Variants in MRTO4 observed in about 807,000 individuals in gnomAD.
MRTO4 encodes the protein mRNA turnover protein 4 homolog.
Under a neutral mutation model 28.6 loss-of-function variants are expected in MRTO4, and 7 were observed. The observed-to-expected ratio is 0.24, with a 90% confidence interval of 0.14 to 0.46. MRTO4 has a LOEUF of 0.46. Ranked by LOEUF, MRTO4 falls within the 20% of genes least tolerant of loss-of-function variation. The pLI is 0.99. For missense variants in MRTO4, 302 were observed against 298.3 expected (o/e 1.01, Z -0.09); for synonymous variants, 113 against 108.2 (o/e 1.04, Z -0.27).
rs2093673769 is a variant in MRTO4 at position 19,257,816 on chromosome 1, C to G, written c.342-17C>G. On this transcript the variant is annotated splice_polypyrimidine_tract_variant and intron_variant, in intron 5 of 7. Transcript: ENST00000330263. Reference sequence around the variant, plus strand: ...TGGCCAGGAGCATCTCCTCCTACCACTTCTCTTTTCCCTTAGGTGGTTCAC... The same window carrying G: ...TGGCCAGGAGCATCTCCTCCTACCAGTTCTCTTTTCCCTTAGGTGGTTCAC... 3.1e-6 allele frequency: 5 copies of G among 1,611,494 alleles called. No homozygotes were observed. Among genetic ancestry groups the G allele is most frequent in the East Asian group, 4.5e-5 (2 of 44,880 alleles).
chr1:19,253,045 T>C (rs1427946298), intron 1 of MRTO4, among the ~76,000 whole-genome samples: 2 of 152,188 alleles, frequency 1.3e-5, no homozygotes, highest in Non-Finnish European at 2.9e-5. Flanking sequence ...TGGCACTTTC[T>C]AGGCGTTAGA....
At position 19,257,893 on chromosome 1, in the gene MRTO4, T is replaced by C; in HGVS notation, c.402T>C (p.Thr134=). The C allele has an allele frequency of 6.2e-7, 1 of 1,614,148 alleles. No homozygotes were observed. Among genetic ancestry groups the C allele is most frequent in the East Asian group, 2.2e-5 (1 of 44,866 alleles). Residue 134 remains threonine (T), a synonymous_variant, in exon 6 of 8, where the codon ACT becomes ACC. Transcript: ENST00000330263. ...GAGCTGGTAACAAAGCAGCTTTCACTGTGAGCCTGGATCCAGGGCCCCTGG... is the reference window on the plus strand; with the variant it reads ...GAGCTGGTAACAAAGCAGCTTTCACCGTGAGCCTGGATCCAGGGCCCCTGG... ...YARAGNKAAF[T]VSLDPGPLEQ...
chr1:19,252,919 C>T lies in MRTO4; in HGVS notation c.28+1056C>T, dbSNP rs1186819672. 2.6e-5 allele frequency among the ~76,000 whole-genome samples: 4 copies of T among 152,140 alleles called. No homozygotes were observed. In the South Asian group the frequency reaches 8.3e-4, roughly 32 times the overall value. ...CCTCCCTGAGTGCTGGGATTACAGG[C>T]GTGAGCCACTACACCCGACTTGCGC... On this transcript the variant is annotated intron_variant, in intron 1 of 7. Transcript: ENST00000330263.
chr1:19,258,962 T>C lies in MRTO4; in HGVS notation c.*132T>C. On this transcript the variant is annotated 3_prime_UTR_variant, in exon 8 of 8. Transcript: ENST00000330263. Reference sequence around the variant, plus strand: ...GGGAACATGATGGGCACTGACCTCCTGTAAAGAATAAAACTGTGGGCCGGG... The same window carrying C: ...GGGAACATGATGGGCACTGACCTCCCGTAAAGAATAAAACTGTGGGCCGGG... The C allele has an allele frequency of 1.7e-6, 2 of 1,164,804 alleles. No homozygotes were observed. Among genetic ancestry groups the C allele is most frequent in the Non-Finnish European group, 2.3e-6 (2 of 851,560 alleles). 72.2% of individuals were successfully genotyped at this position (1,164,804 alleles called of 1,614,324 possible). A position where few individuals can be genotyped will look rare whatever the true frequency, so the allele number is the denominator to read the frequency against.
In MRTO4 at chr1:19,253,472, G is replaced by A. The variant is rs764538378; in HGVS notation, c.29-1310G>A. ...GCATTGGCTTTCCTGCCCAGGTGAA[G>A]TGAGTAGCAGAGGACCCATGTGATT... On this transcript the variant is annotated intron_variant, in intron 1 of 7. Transcript: ENST00000330263. 7.9e-5 allele frequency among the ~76,000 whole-genome samples: 12 copies of A among 152,214 alleles called. No homozygotes were observed. In the South Asian group the frequency reaches 8.3e-4, roughly 10 times the overall value.
At chr1:19,254,401 A>C (rs1361009148) in intron 1 of MRTO4, among the ~76,000 whole-genome samples, 1 of 152,032 alleles carries the variant, frequency 6.6e-6, no homozygotes, top group Non-Finnish European at 1.5e-5. Flanking sequence ...CATGTCAAAA[A>C]AAAAACAAAA....
chr1:19,257,106 T>C lies in MRTO4; in HGVS notation c.234T>C (p.Gly78=). 1 of 1,614,112 alleles carries C rather than the reference T, an allele frequency of 6.2e-7. No individual in the cohort carries two copies. Among genetic ancestry groups the C allele is most frequent in the Admixed American group, 1.7e-5 (1 of 60,016 alleles). ...GKNKVMMVAL[G]RSPSDEYKDN... ...ACAAGGTGATGATGGTGGCCTTGGGTCGGAGCCCATCTGATGAATACAAAG... is the reference window on the plus strand; with the variant it reads ...ACAAGGTGATGATGGTGGCCTTGGGCCGGAGCCCATCTGATGAATACAAAG... Residue 78 remains glycine (G), a synonymous_variant, in exon 4 of 8, where the codon GGT becomes GGC. Transcript: ENST00000330263.
Position 19,253,794 on chromosome 1 carries a change from C to T in MRTO4, c.29-988C>T, listed in dbSNP as rs10917278. On this transcript the variant is annotated intron_variant, in intron 1 of 7. Coordinates refer to ENST00000330263, the MANE Select transcript of MRTO4 (RefSeq NM_016183.4). Reference sequence around the variant, plus strand: ...AGAGGCCTGGGTCCCTTTGTGAAGGCGCCCGGGGCTTTGCAGTTGGAGTTC... The same window carrying T: ...AGAGGCCTGGGTCCCTTTGTGAAGGTGCCCGGGGCTTTGCAGTTGGAGTTC... Among the ~76,000 whole-genome samples, 1,464 of 152,214 alleles carry T rather than the reference C, an allele frequency of 9.6e-3. 25 individuals are homozygous for T. Among genetic ancestry groups the T allele is most frequent in the African/African-American group, 0.033 (1,381 of 41,526 alleles).
intron 1 of MRTO4, chr1:19,252,074 C>G: frequency 1.5e-6 from 1 of 671,386 alleles, no homozygotes; most frequent in Non-Finnish European, 2.4e-6. Flanking sequence ...GGAGCGGAGA[C>G]TCGTTTTGCC....
At position 19,257,311 on chromosome 1, in the gene MRTO4, C is replaced by T. The variant is rs72964035; in HGVS notation, c.274-143C>T. ...CTTCACCTCCGGACCCAAGGAATAG[C>T]AGCTTCCTGCCTCCCACTCCTTCCT... On this transcript the variant is annotated intron_variant, in intron 4 of 7. Transcript: ENST00000330263. The T allele has an allele frequency of 6.4e-3, 7,496 of 1,168,318 alleles. 383 individuals carry two copies. In the African/African-American group the frequency reaches 0.1, roughly 16 times the overall value. The allele number at this position is 1,168,318 out of a possible 1,614,324, so 72.4% of individuals were successfully genotyped here.
chr1:19,258,940 A>T lies in MRTO4; in HGVS notation c.*110A>T, dbSNP rs1293766614. 17 of 1,298,422 alleles carry T rather than the reference A, an allele frequency of 1.3e-5. No homozygotes were observed. In the South Asian group the frequency reaches 2.4e-4, roughly 19 times the overall value. The allele number at this position is 1,298,422 out of a possible 1,614,324, so 80.4% of individuals were successfully genotyped here. A position where few individuals can be genotyped will look rare whatever the true frequency, so the allele number is the denominator to read the frequency against. ...GCTTTTTATTTGTCTGTAGACAGGG[A>T]ACATGATGGGCACTGACCTCCTGTA... On this transcript the variant is annotated 3_prime_UTR_variant, in exon 8 of 8. Transcript: ENST00000330263.
rs745660047 is a variant in MRTO4 at position 19,257,096 on chromosome 1, T to C, written c.224T>C (p.Val75Ala). The change falls in exon 4 of 8, where the codon GTG becomes GCG. Residue 75 changes from valine (V) to alanine (A), a missense_variant. By Grantham distance (64) the Val-to-Ala change is moderately conservative (BLOSUM62 0). Transcript: ENST00000330263. ...TTTGGCAAAAACAAGGTGATGATGG[T>C]GGCCTTGGGTCGGAGCCCATCTGAT... Reference protein sequence around the residue: ...MFFGKNKVMMVALGRSPSDEY... With the variant: ...MFFGKNKVMMAALGRSPSDEY... 6.2e-7 allele frequency: 1 copy of C among 1,614,136 alleles called. No individual in the cohort carries two copies. Among genetic ancestry groups the C allele is most frequent in the Non-Finnish European group, 8.5e-7 (1 of 1,180,024 alleles).
intron 1 of MRTO4, chr1:19,252,176 T>G: frequency 4.7e-6 from 2 of 426,894 alleles, no homozygotes; most frequent in East Asian, 4.2e-5. Flanking sequence ...CGGCCCACTT[T>G]TCCCAACTTC....
intron 1 of MRTO4, 48 bp from the exon 2 acceptor site, chr1:19,254,734 G>T (rs747277399): frequency 7.0e-7 from 1 of 1,436,848 alleles, no homozygotes; most frequent in South Asian, 1.1e-5. Context: ...AGTCTCCAGT[G>T]CATTTAGATT....
chr1:19,257,863 C>T lies in MRTO4; in HGVS notation c.372C>T (p.Tyr124=), dbSNP rs759064422. The change falls in exon 6 of 8, where the codon TAC becomes TAT. Residue 124 remains tyrosine (Y), a synonymous_variant. Coordinates refer to ENST00000330263, the MANE Select transcript of MRTO4 (RefSeq NM_016183.4). ...TCACGAAATACACAGAAATGGACTA[C>T]GCCCGAGCTGGTAACAAAGCAGCTT... ...EWFTKYTEMD[Y]ARAGNKAAFT... is the part of the protein sequence containing the mutation. 51 of 1,613,556 alleles carry T rather than the reference C, an allele frequency of 3.2e-5. No individual in the cohort carries two copies. The highest frequency in any genetic ancestry group is 1.8e-4 in the Admixed American group (11 of 60,004).
rs758704722 is a variant in MRTO4, at chr1:19,257,956, G to A, written c.465G>A (p.Gln155=). ...ACTCCATGGAGCCACAGCTCAGGCA[G>A]CTGGGCCTGCCCACCGCCCTCAAGA... ...FPHSMEPQLR[Q]LGLPTALKRG... The change falls in exon 6 of 8, where the codon CAG becomes CAA. Residue 155 remains glutamine (Q), a synonymous_variant. Coordinates refer to ENST00000330263, the MANE Select transcript of MRTO4 (RefSeq NM_016183.4). 6 of 1,613,986 alleles carry A rather than the reference G, an allele frequency of 3.7e-6. No homozygotes were observed. In the East Asian group the frequency reaches 1.1e-4, roughly 30 times the overall value.
chr1:19,251,984 CCGCTGCCT>C, intron 1 of MRTO4, 121 bp downstream of exon 1: 2 of 1,364,988 alleles, frequency 1.5e-6, no homozygotes, highest in Non-Finnish European at 2.0e-6. Flanking sequence ...TCGAGGTGTT[CCGCTGCCT>C]CGCTGCGAGC....
chr1:19,257,762 G>T (rs552139151), intron 5 of MRTO4, 71 bp from the exon 6 acceptor site: 5 of 1,574,830 alleles, frequency 3.2e-6, no homozygotes, highest in Non-Finnish European at 3.5e-6. Context: ...CGGGACACTT[G>T]GGGGAGCCTG....
intron 1 of MRTO4, among the ~76,000 whole-genome samples, chr1:19,253,303 G>T (rs2093666221): frequency 6.6e-6 from 1 of 152,188 alleles, no homozygotes. Context: ...CAAGTAGAGG[G>T]AACCTGAAGT....
Sources: allele counts gnomAD v4.1 joint callset (sites outside exome capture counted in the v4.1 genomes callset), GRCh38; gene constraint gnomAD v4.1.1; transcripts MANE v1.5; gene names NCBI Gene and HGNC (gene_info 2026-07-23, HGNC 2026-07-21).